The following DGKB variants were observed in gnomAD, a reference collection of about 807,000 sequenced individuals.
DGKB encodes the protein 90 kDa diacylglycerol kinase.
Under a neutral mutation model 114.3 loss-of-function variants are expected in DGKB, and 67 were observed. The ratio of observed to expected loss-of-function variants is 0.59; its 90% CI spans 0.48 to 0.72. The LOEUF (loss-of-function observed/expected upper bound fraction) is 0.72. Ranked by LOEUF, DGKB falls within the 30% of genes least tolerant of loss-of-function variation. DGKB has a pLI of 0.00. For missense variants in DGKB, 907 were observed against 975.2 expected (o/e 0.93, Z 0.93); for synonymous variants, 398 against 323.1 (o/e 1.23, Z -2.49).
At chr7:14,705,350 C>T (rs370305433) in intron 6 of DGKB, among the ~76,000 whole-genome samples, 1 of 148,338 alleles carries the variant, frequency 6.7e-6, no homozygotes, top group African/African-American at 2.5e-5. Flanking sequence ...GATTGGTGTA[C>T]CTGAAAGTGA....
chr7:14,749,923 C>A (rs368537792), intron 4 of DGKB, among the ~76,000 whole-genome samples: 1 of 152,178 alleles, frequency 6.6e-6, no homozygotes. Flanking sequence ...CCATGCAAAA[C>A]TTCTCTTTCC....
chr7:14,384,237 C>A (rs1819957811), intron 21 of DGKB, among the ~76,000 whole-genome samples: 1 of 152,098 alleles, frequency 6.6e-6, no homozygotes, highest in African/African-American at 2.4e-5. Context: ...AAATAAATAA[C>A]TTTTTCTACC....
chr7:14,573,906 G>A lies in DGKB; in HGVS notation c.1770+306C>T, dbSNP rs903563542. 3.7e-4 allele frequency among the ~76,000 whole-genome samples: 56 copies of A among 152,126 alleles called. 2 individuals are homozygous for A. The highest frequency in any genetic ancestry group is 2.2e-3 in the Admixed American group (33 of 15,276). ...TTAGCTTATACTCTAAAACTTGTAA[G>A]TATATTAAATCATTCTAAGCTTCAT... On this transcript the variant is annotated intron_variant, in intron 20 of 25. Transcript: ENST00000402815.
intron 20 of DGKB, among the ~76,000 whole-genome samples, chr7:14,557,956 TCTTTTA>T (rs1267798126): frequency 2.6e-5 from 4 of 151,660 alleles, no homozygotes; most frequent in Non-Finnish European, 4.4e-5. Flanking sequence ...ACTATTTTGT[TCTTTTA>T]CTTGTTTGCT....
At chr7:14,790,499 TTG>T (rs1840520945) in intron 2 of DGKB, among the ~76,000 whole-genome samples, 3 of 64,416 alleles carry the variant, frequency 4.7e-5, no homozygotes, top group African/African-American at 1.4e-4. Flanking sequence ...CTCATTTTTT[TTG>T]TTGTTGTTGG....
chr7:14,669,464 C>A (rs78001284), intron 13 of DGKB, among the ~76,000 whole-genome samples: 1 of 152,266 alleles, frequency 6.6e-6, no homozygotes, highest in African/African-American at 2.4e-5. Flanking sequence ...CAGATAGCCA[C>A]AGAGGTGACT....
chr7:14,817,471 A>G (rs1844317816), intron 2 of DGKB, among the ~76,000 whole-genome samples: 1 of 152,200 alleles, frequency 6.6e-6, no homozygotes, highest in Admixed American at 6.5e-5. Flanking sequence ...ATAAAAACAT[A>G]AAAGCTTCTA....
intron 21 of DGKB, among the ~76,000 whole-genome samples, chr7:14,402,195 A>C (rs1295006913): frequency 6.6e-6 from 1 of 151,852 alleles, no homozygotes; most frequent in Non-Finnish European, 1.5e-5. Flanking sequence ...TAAAAGAAAG[A>C]AGGAAGATTG....
intron 8 of DGKB, among the ~76,000 whole-genome samples, chr7:14,695,345 C>T (rs757465942): frequency 6.6e-6 from 1 of 151,764 alleles, no homozygotes; most frequent in Admixed American, 6.6e-5. Context: ...ATCCTCTGAC[C>T]GTGTCTCAAA....
At chr7:14,616,003 A>G (rs929455908) in intron 15 of DGKB, among the ~76,000 whole-genome samples, 2 of 151,202 alleles carry the variant, frequency 1.3e-5, no homozygotes, top group African/African-American at 2.4e-5. Context: ...TCTTACATTA[A>G]TATTTTTTAA....
intron 21 of DGKB, among the ~76,000 whole-genome samples, chr7:14,375,632 G>A (rs1818357502): frequency 2.0e-5 from 3 of 152,134 alleles, no homozygotes. Context: ...CTCTTCGAAT[G>A]TCACCTTCTC....
chr7:14,953,006 C>CAA (rs891994926), intron 1 of DGKB, among the ~76,000 whole-genome samples: 1 of 151,858 alleles, frequency 6.6e-6, no homozygotes, highest in Non-Finnish European at 1.5e-5. Context: ...ATTGAACATG[C>CAA]AAAAGTATGG....
chr7:14,674,885 A>G (rs1294627348), intron 12 of DGKB, among the ~76,000 whole-genome samples: 1 of 152,128 alleles, frequency 6.6e-6, no homozygotes. Flanking sequence ...TCTAGCCTCC[A>G]GAGCTATGAG....
chr7:14,919,351 G>C (rs1236896348), intron 1 of DGKB, among the ~76,000 whole-genome samples: 1 of 152,032 alleles, frequency 6.6e-6, no homozygotes, highest in Non-Finnish European at 1.5e-5. Context: ...TGAGAAAAGA[G>C]TGAAGGAAAT....
chr7:14,803,312 C>A (rs1171672663), intron 2 of DGKB, among the ~76,000 whole-genome samples: 1 of 152,078 alleles, frequency 6.6e-6, no homozygotes, highest in Non-Finnish European at 1.5e-5. Context: ...TGGTCTGGGT[C>A]TCCAGATACA....
rs1188206405 is a variant in DGKB at position 14,673,123 on chromosome 7, A to G, written c.1036-96T>C. 1.8e-5 allele frequency: 12 copies of G among 655,208 alleles called. No homozygotes were observed. In the East Asian group the frequency reaches 3.3e-4, roughly 18 times the overall value. 40.6% of individuals were successfully genotyped at this position (655,208 alleles called of 1,614,324 possible). A position where few individuals can be genotyped will look rare whatever the true frequency, so the allele number is the denominator to read the frequency against. ...CAATCGAGATACAGCAAACACATTA[A>G]AAGTACAATAAAGAAATTATAAGAA... On this transcript the variant is annotated intron_variant, in intron 12 of 25. Transcript: ENST00000402815.
At chr7:14,223,762 G>A (rs1790363217) in intron 23 of DGKB, among the ~76,000 whole-genome samples, 1 of 151,542 alleles carries the variant, frequency 6.6e-6, no homozygotes, top group South Asian at 2.1e-4. Flanking sequence ...AGAGACTTTT[G>A]ATCAATACAG....
At chr7:14,714,229 G>A (rs1827829900) in intron 6 of DGKB, among the ~76,000 whole-genome samples, 1 of 151,998 alleles carries the variant, frequency 6.6e-6, no homozygotes. Flanking sequence ...TATACACTGT[G>A]GGGAGGCAGG....
chr7:14,604,197 A>C (rs1019459568), intron 17 of DGKB, among the ~76,000 whole-genome samples: 3 of 152,142 alleles, frequency 2.0e-5, no homozygotes, highest in Non-Finnish European at 2.9e-5. Flanking sequence ...AATCAGGATC[A>C]GGGAGAGATG....
Sources: gnomAD v4.1 joint callset for allele counts (sites outside exome capture counted in the v4.1 genomes callset) on GRCh38, gnomAD v4.1.1 for gene constraint, MANE v1.5 for transcripts, NCBI Gene and HGNC (gene_info 2026-07-23, HGNC 2026-07-21) for gene names.